Variants in SHISA6 observed in about 807,000 individuals in gnomAD.
SHISA6 encodes protein shisa-6.
In SHISA6, 22 loss-of-function variants were observed where a neutral mutation model predicts 47.9. The observed-to-expected ratio is 0.46, with a 90% CI of 0.33 to 0.66. The LOEUF is 0.66. Among genes scored for constraint, SHISA6 ranks in the 30% least tolerant of loss-of-function variants. The pLI, the probability that SHISA6 is intolerant of heterozygous loss-of-function variation, is 0.02. For synonymous variants in SHISA6, 388 were observed against 337.8 expected, an observed-to-expected ratio of 1.15 and a Z score of -1.63; for missense variants, 680 against 764.6, an observed-to-expected ratio of 0.89 and a Z score of 1.30.
intron 3 of SHISA6, among the ~76,000 whole-genome samples, chr17:11,439,722 A>G (rs1915048488): frequency 6.6e-6 from 1 of 152,040 alleles, no homozygotes; most frequent in Non-Finnish European, 1.5e-5. Context: ...CCTTCCTTCC[A>G]CCCTCTTCTT....
chr17:11,303,565 C>T (rs1016576676), intron 2 of SHISA6, among the ~76,000 whole-genome samples: 1 of 151,988 alleles, frequency 6.6e-6, no homozygotes, highest in Non-Finnish European at 1.5e-5. Context: ...TTCTCTGATG[C>T]TGCCATGAGG....
intron 3 of SHISA6, among the ~76,000 whole-genome samples, chr17:11,548,520 A>G (rs1193932065): frequency 1.3e-5 from 2 of 152,082 alleles, no homozygotes; most frequent in Non-Finnish European, 1.5e-5. Context: ...CCAGAATCAA[A>G]TAAGATATTT....
At chr17:11,496,195 G>T (rs1381613713) in intron 3 of SHISA6, among the ~76,000 whole-genome samples, 1 of 152,184 alleles carries the variant, frequency 6.6e-6, no homozygotes, top group Non-Finnish European at 1.5e-5. Context: ...GTCCAACCTG[G>T]TGAGATTTCC....
At chr17:11,265,608 T>A (rs1908398274) in intron 2 of SHISA6, among the ~76,000 whole-genome samples, 1 of 152,202 alleles carries the variant, frequency 6.6e-6, no homozygotes, top group Admixed American at 6.5e-5. Context: ...TGTATTTTGA[T>A]TTTTCCAAGG....
chr17:11,553,161 G>A (rs1178460699), intron 4 of SHISA6, among the ~76,000 whole-genome samples: 1 of 152,174 alleles, frequency 6.6e-6, no homozygotes, highest in Non-Finnish European at 1.5e-5. Flanking sequence ...ATATTCAACA[G>A]GCAGGAATGC....
intron 1 of SHISA6, among the ~76,000 whole-genome samples, chr17:11,246,929 C>T (rs1040918220): frequency 6.6e-6 from 1 of 152,180 alleles, no homozygotes; most frequent in Non-Finnish European, 1.5e-5. Flanking sequence ...ACATTGCTCA[C>T]TGTCTTCATG....
In SHISA6 at chr17:11,242,027, C is replaced by T. The variant is rs542600049; in HGVS notation, c.605C>T (p.Ala202Val). The change falls in exon 1 of 6, where the codon GCC (alanine) becomes GTC (valine). Residue 202 changes from alanine to valine, a missense_variant. Coordinates refer to ENST00000441885, the MANE Select transcript of SHISA6 (RefSeq NM_207386.4). ...GVFAKVSYDK[A>V]HRPPREMNIH... ...TTCGCCAAGGTCTCCTACGACAAGG[C>T]CCACCGCCCTCCACGGGAGATGAAC... The T allele has an allele frequency of 6.4e-7, 1 of 1,550,716 alleles. No homozygotes were observed. The highest frequency in any genetic ancestry group is 8.7e-7 in the Non-Finnish European group (1 of 1,147,004).
At chr17:11,371,726 A>G (rs567028727) in intron 2 of SHISA6, among the ~76,000 whole-genome samples, 1 of 151,642 alleles carries the variant, frequency 6.6e-6, no homozygotes, top group South Asian at 2.1e-4. Context: ...ATTAAAAAGT[A>G]CAGAGAAAAA....
At chr17:11,432,497 C>T (rs929634322) in intron 3 of SHISA6, among the ~76,000 whole-genome samples, 35 of 152,124 alleles carry the variant, frequency 2.3e-4, no homozygotes, top group Admixed American at 2.2e-3. Flanking sequence ...TCTATATGGG[C>T]AGTTATAGAG....
chr17:11,276,857 T>C (rs1486198046), intron 2 of SHISA6, among the ~76,000 whole-genome samples: 1 of 152,214 alleles, frequency 6.6e-6, no homozygotes. Flanking sequence ...TCTTCTCAGT[T>C]CAAGGATGTT....
chr17:11,437,321 A>C (rs927474396), intron 3 of SHISA6, among the ~76,000 whole-genome samples: 3 of 152,074 alleles, frequency 2.0e-5, no homozygotes, highest in African/African-American at 7.2e-5. Context: ...ACTCCCAGGG[A>C]TTTGAGAGTG....
At chr17:11,278,347 A>G (rs919245035) in intron 2 of SHISA6, among the ~76,000 whole-genome samples, 3 of 152,198 alleles carry the variant, frequency 2.0e-5, no homozygotes, top group South Asian at 2.1e-4. Flanking sequence ...CTGTGTCCCA[A>G]CTGAGCCTCC....
intron 2 of SHISA6, among the ~76,000 whole-genome samples, chr17:11,354,498 C>A (rs555045814): frequency 6.6e-6 from 1 of 152,340 alleles, no homozygotes; most frequent in African/African-American, 2.4e-5. Context: ...ACCTCATGTT[C>A]CATTCTCCAC....
At chr17:11,545,511 T>C (rs1393497412) in intron 3 of SHISA6, among the ~76,000 whole-genome samples, 2 of 152,238 alleles carry the variant, frequency 1.3e-5, no homozygotes, top group East Asian at 1.9e-4. Context: ...TATAGTACTA[T>C]ATTTTTACAA....
At chr17:11,438,626 T>G (rs528916433) in intron 3 of SHISA6, among the ~76,000 whole-genome samples, 72 of 152,290 alleles carry the variant, frequency 4.7e-4, no homozygotes, top group African/African-American at 1.7e-3. Flanking sequence ...CCTACCCTTA[T>G]AACATCATTT....
intron 2 of SHISA6, among the ~76,000 whole-genome samples, chr17:11,360,015 A>G (rs1018017741): frequency 2.0e-5 from 3 of 152,210 alleles, no homozygotes; most frequent in East Asian, 1.9e-4. Flanking sequence ...ACACATGCAC[A>G]TGTATGTTTA....
intron 3 of SHISA6, among the ~76,000 whole-genome samples, chr17:11,503,301 C>T (rs566090303): frequency 5.3e-5 from 8 of 151,596 alleles, no homozygotes; most frequent in South Asian, 2.1e-4. Context: ...TATCTGCCTG[C>T]GAAAACTTAG....
At chr17:11,417,799 G>C (rs922218284) in intron 3 of SHISA6, among the ~76,000 whole-genome samples, 1 of 152,198 alleles carries the variant, frequency 6.6e-6, no homozygotes, top group Non-Finnish European at 1.5e-5. Flanking sequence ...CAGGATGTAT[G>C]TGTCCAACTG....
At chr17:11,511,503 CAA>C (rs561748604) in intron 3 of SHISA6, among the ~76,000 whole-genome samples, 1 of 150,762 alleles carries the variant, frequency 6.6e-6, no homozygotes, top group African/African-American at 2.4e-5. Context: ...CTTCCCCCCA[CAA>C]AAAAACAGTA....
Sources: gnomAD v4.1 joint callset for allele counts (sites outside exome capture counted in the v4.1 genomes callset) on GRCh38, gnomAD v4.1.1 for gene constraint, MANE v1.5 for transcripts, NCBI Gene and HGNC (gene_info 2026-07-23, HGNC 2026-07-21) for gene names.